Variants in PHACTR3 observed in about 807,000 individuals in gnomAD.
PHACTR3 encodes phosphatase and actin regulator 3, also known as protein phosphatase 1, regulatory subunit 123.
Under a neutral mutation model 66.8 loss-of-function variants are expected in PHACTR3, and 16 were observed. The observed-to-expected ratio is 0.24, with a 90% confidence interval of 0.16 to 0.36. PHACTR3 has a LOEUF of 0.36. PHACTR3 is among the 10% of genes least tolerant of loss of function. PHACTR3 has a pLI of 1.00. For missense variants in PHACTR3, 647 were observed against 719.9 expected (o/e 0.90, Z 1.16); for synonymous variants, 323 against 292.1 (o/e 1.11, Z -1.08).
At position 59,774,369 on chromosome 20, in the gene PHACTR3, C is replaced by A. The variant is rs947822006; in HGVS notation, c.1053C>A (p.Asn351Lys). The change falls in exon 7 of 13, where the codon AAC (asparagine) becomes AAA (lysine). Residue 351 changes from asparagine (N) to lysine (K), a missense_variant. By Grantham distance (94) the Asn-to-Lys change is moderately conservative. Coordinates refer to ENST00000371015, the MANE Select transcript of PHACTR3 (RefSeq NM_080672.5). Reference sequence around the variant, plus strand: ...GGAGCTTTGACGGGGCATTGGAGAACAAGCGAACTGCCGCTAAGGAATCTG... The same window carrying A: ...GGAGCTTTGACGGGGCATTGGAGAAAAAGCGAACTGCCGCTAAGGAATCTG... ...EAWSFDGALE[N>K]KRTAAKESEE... 1.2e-6 allele frequency: 2 copies of A among 1,614,192 alleles called. No homozygotes were observed. Among genetic ancestry groups the A allele is most frequent in the Non-Finnish European group, 1.7e-6 (2 of 1,180,030 alleles).
rs138807727 is a variant in PHACTR3 at position 59,590,560 on chromosome 20, G to A, written c.109+12943G>A. 6.5e-3 allele frequency among the ~76,000 whole-genome samples: 987 copies of A among 152,286 alleles called. 1 individual carries two copies. The highest frequency in any genetic ancestry group is 9.9e-3 in the Non-Finnish European group (671 of 68,018). ...TTCTTCACTGGGGTCAGGGGCTAAA[G>A]CCTGGTGGTTAAGAAGGAGGCCTGA... is the stretch of plus-strand genomic sequence containing the variant. On this transcript the variant is annotated intron_variant, in intron 1 of 12. Transcript: ENST00000359926.
At chr20:59,655,890 T>C (rs1178299534) in intron 1 of PHACTR3, among the ~76,000 whole-genome samples, 1 of 152,004 alleles carries the variant, frequency 6.6e-6, no homozygotes, top group African/African-American at 2.4e-5. Context: ...ACTCATGATT[T>C]ATTCTTTGAC....
In PHACTR3 at chr20:59,773,519, T is replaced by C. The variant is rs1180568928; in HGVS notation, c.926+66T>C. ...TCCCTGCCTGGCCAGCCTCAGGCTG[T>C]GCAGCTCATGCCACGCCCAGGGCCT... On this transcript the variant is annotated intron_variant, in intron 6 of 12. Transcript: ENST00000371015. 3 of 1,474,076 alleles carry C rather than the reference T, an allele frequency of 2.0e-6. No individual in the cohort carries two copies. In the East Asian group the frequency reaches 7.5e-5, roughly 37 times the overall value. 91.3% of individuals were successfully genotyped at this position (1,474,076 alleles called of 1,614,324 possible). A position where few individuals can be genotyped will look rare whatever the true frequency, so the allele number is the denominator to read the frequency against.
intron 1 of PHACTR3, among the ~76,000 whole-genome samples, chr20:59,663,511 C>T (rs546016357): frequency 2.6e-5 from 4 of 152,344 alleles, no homozygotes; most frequent in African/African-American, 4.8e-5. Context: ...ACAAATGAGA[C>T]TGAAAATGTT....
chr20:59,708,350 A>G (rs766641587), intron 1 of PHACTR3, among the ~76,000 whole-genome samples: 1 of 152,208 alleles, frequency 6.6e-6, no homozygotes, highest in Non-Finnish European at 1.5e-5. Context: ...TTCTCTGGGC[A>G]CCAGCTGGAC....
At chr20:59,693,206 C>T (rs892888772) in intron 1 of PHACTR3, among the ~76,000 whole-genome samples, 9 of 152,156 alleles carry the variant, frequency 5.9e-5, no homozygotes, top group Admixed American at 4.6e-4. Context: ...TAAGCATCGG[C>T]GTCTGGCACA....
At chr20:59,839,615 T>C (rs2059022259) in intron 9 of PHACTR3, among the ~76,000 whole-genome samples, 1 of 152,142 alleles carries the variant, frequency 6.6e-6, no homozygotes, top group South Asian at 2.1e-4. Flanking sequence ...GGGGGAAGCT[T>C]ACGTTTTATA....
chr20:59,629,219 T>A (rs1260257848), intron 1 of PHACTR3, among the ~76,000 whole-genome samples: 8 of 152,198 alleles, frequency 5.3e-5, no homozygotes. Flanking sequence ...TTCTCTACGT[T>A]GTGCCCCCAC....
chr20:59,833,037 A>T (rs184209597), intron 8 of PHACTR3, among the ~76,000 whole-genome samples: 94 of 152,234 alleles, frequency 6.2e-4, no homozygotes, highest in African/African-American at 2.2e-3. Flanking sequence ...AGCACTGTCT[A>T]GGGTTCTGCA....
At chr20:59,598,283 TC>T (rs1233269748) in intron 1 of PHACTR3, among the ~76,000 whole-genome samples, 1 of 152,374 alleles carries the variant, frequency 6.6e-6, no homozygotes, top group East Asian at 1.9e-4. Flanking sequence ...GTGGTCTCTC[TC>T]AAGGAACTTT....
chr20:59,774,318 G>A lies in PHACTR3; in HGVS notation c.1002G>A (p.Glu334=). 6.2e-7 allele frequency: 1 copy of A among 1,614,200 alleles called. No homozygotes were observed. Among genetic ancestry groups the A allele is most frequent in the Non-Finnish European group, 8.5e-7 (1 of 1,180,032 alleles). The change falls in exon 7 of 13, where the codon GAG becomes GAA. Residue 334 remains glutamate, a synonymous_variant. Transcript: ENST00000371015. ...DVRLSRTSSV[E]RGKEREEAWS... is the part of the protein sequence containing the mutation. ...GTCTGTCGAGAACGTCCAGCGTGGAGCGGGGCAAGGAGAGGGAGGAGGCTT... is the reference window on the plus strand; with the variant it reads ...GTCTGTCGAGAACGTCCAGCGTGGAACGGGGCAAGGAGAGGGAGGAGGCTT...
At chr20:59,838,262 T>C (rs978150594) in intron 9 of PHACTR3, among the ~76,000 whole-genome samples, 1 of 152,166 alleles carries the variant, frequency 6.6e-6, no homozygotes, top group African/African-American at 2.4e-5. Flanking sequence ...GGTAACTATA[T>C]ATAGCCTAGT....
chr20:59,760,345 G>T (rs560715737), intron 4 of PHACTR3, among the ~76,000 whole-genome samples: 1 of 152,270 alleles, frequency 6.6e-6, no homozygotes, highest in South Asian at 2.1e-4. Context: ...TTGTTTGGAT[G>T]GTGCCCGATA....
chr20:59,594,238 A>C (rs571107092), intron 1 of PHACTR3, among the ~76,000 whole-genome samples: 1 of 152,026 alleles, frequency 6.6e-6, no homozygotes, highest in Admixed American at 6.6e-5. Flanking sequence ...TGACTTGCTC[A>C]TTGCTGGTTT....
At chr20:59,818,616 C>T (rs370615647) in intron 8 of PHACTR3, among the ~76,000 whole-genome samples, 2 of 152,344 alleles carry the variant, frequency 1.3e-5, no homozygotes, top group East Asian at 3.9e-4. Context: ...TAGAATGGTA[C>T]TGAGTCCTGT....
chr20:59,762,995 G>A (rs967345531), intron 4 of PHACTR3, among the ~76,000 whole-genome samples: 1 of 152,168 alleles, frequency 6.6e-6, no homozygotes, highest in East Asian at 1.9e-4. Context: ...ACTGAACCTG[G>A]TGAAAGTAGG....
At position 59,798,331 on chromosome 20, in the gene PHACTR3, A is replaced by G. The variant is rs577863845; in HGVS notation, c.1175-7710A>G. Among the ~76,000 whole-genome samples the G allele has an allele frequency of 9.8e-5, 15 of 152,326 alleles. No individual in the cohort carries two copies. The South Asian group carries it at 3.1e-3, about 32-fold the overall frequency. Reference sequence around the variant, plus strand: ...GCAAAAGTCCCTGTCTGTTAACACTATTACATTGGAGATTAAGTTTCAACA... The same window carrying G: ...GCAAAAGTCCCTGTCTGTTAACACTGTTACATTGGAGATTAAGTTTCAACA... On this transcript the variant is annotated intron_variant, in intron 7 of 12. Transcript: ENST00000371015.
rs1037201895 is a variant in PHACTR3 at position 59,829,874 on chromosome 20, T to C, written c.1329-6631T>C. Among the ~76,000 whole-genome samples, 1 of 152,178 alleles carries C rather than the reference T, an allele frequency of 6.6e-6. No homozygotes were observed. The highest frequency in any genetic ancestry group is 1.5e-5 in the Non-Finnish European group (1 of 68,030). On this transcript the variant is annotated intron_variant, in intron 8 of 12. Coordinates refer to ENST00000371015, the MANE Select transcript of PHACTR3 (RefSeq NM_080672.5). The surrounding 1 kb of genome is among the most constrained non-coding windows in gnomAD (Gnocchi z 4.2). ...CATCTGTGCTGGGGTGAGATCAAGA[T>C]TTGGGGGATGTGCGTTTAGTGGGGC... is the stretch of plus-strand genomic sequence containing the variant.
Position 59,700,533 on chromosome 20 carries a change from A to G in PHACTR3, c.119-42574A>G, listed in dbSNP as rs1466931160. Among the ~76,000 whole-genome samples, 3 of 152,198 alleles carry G rather than the reference A, an allele frequency of 2.0e-5. No homozygotes were observed. In the East Asian group the frequency reaches 5.8e-4, roughly 29 times the overall value. Reference sequence around the variant, plus strand: ...CACTGTTTGTCAATGCCCTCACCAAACTAGGTCATTGACAATTCTAAAAGA... The same window carrying G: ...CACTGTTTGTCAATGCCCTCACCAAGCTAGGTCATTGACAATTCTAAAAGA... On this transcript the variant is annotated intron_variant, in intron 1 of 12. Transcript: ENST00000371015.
Sources: allele counts gnomAD v4.1 joint callset (sites outside exome capture counted in the v4.1 genomes callset), GRCh38; gene constraint gnomAD v4.1.1; non-coding constraint Gnocchi (gnomAD v3.1); transcripts MANE v1.5; gene names NCBI Gene and HGNC (gene_info 2026-07-23, HGNC 2026-07-21).